Variants in RSPH10B observed in about 807,000 individuals in gnomAD.
RSPH10B encodes the protein radial spoke head 10 homolog B (Chlamydomonas).
In RSPH10B, 7 loss-of-function variants were observed where a neutral mutation model predicts 52.5. The observed-to-expected ratio is 0.13, with a 90% confidence interval of 0.08 to 0.25. The LOEUF (loss-of-function observed/expected upper bound fraction) is 0.25, where lower values mean the gene tolerates loss of function less well. Among genes scored for constraint, RSPH10B ranks in the 10% least tolerant of loss-of-function variants. The probability of loss-of-function intolerance (pLI) is 1.00; values close to 1 mark genes in which losing one functional copy is unlikely to be tolerated. For synonymous variants in RSPH10B, 28 were observed against 193.2 expected (o/e 0.14, Z 7.09); for missense variants, 89 against 542.5 (o/e 0.16, Z 8.30).
rs1472322558 is a variant in RSPH10B, at chr7:5,955,026, G to A, written c.957+979C>T. 5.8e-5 allele frequency among the ~76,000 whole-genome samples: 7 copies of A among 121,450 alleles called. 1 individual carries two copies. The highest frequency in any genetic ancestry group is 7.4e-4 in the East Asian group (2 of 2,688). The allele number at this position is 121,450 out of a possible 152,430, so 79.7% of individuals were successfully genotyped here. A position where few individuals can be genotyped will look rare whatever the true frequency, so the allele number is the denominator to read the frequency against. ...AAAAAAAAAAAAAAAAGAGCCGGGC[G>A]TGGTGGCGCACACCTGTAATCCCAG... is the stretch of plus-strand genomic sequence containing the variant. On this transcript the variant is annotated intron_variant, in intron 7 of 18. Transcript: ENST00000337579.
chr7:5,940,068 G>A (rs1474626859), intron 13 of RSPH10B, among the ~76,000 whole-genome samples: 3 of 129,486 alleles, frequency 2.3e-5, no homozygotes, highest in African/African-American at 8.1e-5. Context: ...ATGGTGGCGT[G>A]TGCCTGTAGT....
intron 12 of RSPH10B, 124 bp from the exon 15 acceptor site, chr7:5,943,596 T>G (rs1751827649): frequency 7.0e-6 from 5 of 716,202 alleles, no homozygotes; most frequent in Non-Finnish European, 1.2e-5. Context: ...CAGGCTAGAG[T>G]GCAGTGGCAC....
chr7:5,957,008 T>TAA (rs546021012), intron 6 of RSPH10B, among the ~76,000 whole-genome samples: 85 of 21,026 alleles, frequency 4.0e-3, no homozygotes, highest in African/African-American at 0.013. Flanking sequence ...ACCTCGTTTC[T>TAA]AAAAAAAAAA....
At chr7:5,960,350 T>C (rs1290774090) in intron 4 of RSPH10B, among the ~76,000 whole-genome samples, 1 of 45,598 alleles carries the variant, frequency 2.2e-5, no homozygotes, top group Non-Finnish European at 4.7e-5. Flanking sequence ...GAGGCAGAGG[T>C]TGCAGTGAGC....
At chr7:5,942,751 A>G (rs1333866082) in intron 13 of RSPH10B, among the ~76,000 whole-genome samples, 1 of 150,666 alleles carries the variant, frequency 6.6e-6, no homozygotes, top group Non-Finnish European at 1.5e-5. Context: ...AATCCCAGCT[A>G]CTCTGGAGGC....
At chr7:5,961,243 T>G (rs1420160382) in intron 3 of RSPH10B, among the ~76,000 whole-genome samples, 1 of 139,378 alleles carries the variant, frequency 7.2e-6, no homozygotes, top group Non-Finnish European at 1.6e-5. Context: ...ATCACAGCAC[T>G]TTGGGAGACT....
At chr7:5,940,332 G>A (rs1780127068) in intron 13 of RSPH10B, among the ~76,000 whole-genome samples, 1 of 19,562 alleles carries the variant, frequency 5.1e-5, no homozygotes. Flanking sequence ...GAGAAACCCC[G>A]TCTCTACTAA....
intron 13 of RSPH10B, among the ~76,000 whole-genome samples, chr7:5,942,924 ATATT>A (rs1452591408): frequency 4.2e-5 from 5 of 118,264 alleles, no homozygotes; most frequent in South Asian, 2.7e-4. Flanking sequence ...ATATATATAT[ATATT>A]TTTTTTTAAG....
rs1377075177 is a variant in RSPH10B, at chr7:5,933,383, C to T, written c.2140-508G>A. Among the ~76,000 whole-genome samples the T allele has an allele frequency of 1.0e-3, 102 of 98,290 alleles. 10 individuals carry two copies. The highest frequency in any genetic ancestry group is 3.5e-3 in the African/African-American group (96 of 27,422). The allele number at this position is 98,290 out of a possible 152,430, so 64.5% of individuals were successfully genotyped here. A position where few individuals can be genotyped will look rare whatever the true frequency, so the allele number is the denominator to read the frequency against. On this transcript the variant is annotated intron_variant, in intron 16 of 18. Transcript: ENST00000337579. The stretch of plus-strand genomic sequence containing the variant: ...AATGAAATGAACAACAGAATTATGG[C>T]ATTTACTGAAAGCCTCTCAAAAAAA...
At chr7:5,950,067 T>TG (rs1398244799) in intron 9 of RSPH10B, among the ~76,000 whole-genome samples, 1 of 119,744 alleles carries the variant, frequency 8.4e-6, no homozygotes, top group Non-Finnish European at 1.8e-5. Flanking sequence ...ATTGCAAAGC[T>TG]GGGTTAACAT....
chr7:5,960,944 C>T, intron 3 of RSPH10B, 80 bp from the exon 6 acceptor site: 2 of 645,810 alleles, frequency 3.1e-6, no homozygotes, highest in Non-Finnish European at 4.2e-6. Flanking sequence ...CGGGCGGTTC[C>T]AGGAGCTGCT....
chr7:5,941,673 G>C (rs1013802582), intron 13 of RSPH10B, among the ~76,000 whole-genome samples: 4 of 141,502 alleles, frequency 2.8e-5, no homozygotes, highest in African/African-American at 1.0e-4. Flanking sequence ...GAACCCGGGA[G>C]GCGGAGGTTG....
chr7:5,927,003 C>T (rs1417719623), intron 18 of RSPH10B, among the ~76,000 whole-genome samples: 1 of 150,204 alleles, frequency 6.7e-6, no homozygotes, highest in African/African-American at 2.5e-5. Context: ...GATCCACCCA[C>T]CTCGGCCTCC....
At chr7:5,950,330 G>T (rs71249582) in intron 9 of RSPH10B, among the ~76,000 whole-genome samples, 20,439 of 148,384 alleles carry the variant, frequency 0.14, 386 homozygotes, top group African/African-American at 0.18. Flanking sequence ...CAGCACTTTG[G>T]GAGGCTGAGG....
chr7:5,933,237 C>T (rs1421501217), intron 16 of RSPH10B, among the ~76,000 whole-genome samples: 1 of 74,776 alleles, frequency 1.3e-5, no homozygotes, highest in Admixed American at 1.4e-4. Context: ...AGGCTGGTCT[C>T]GAACTCCTGA....
At chr7:5,954,809 C>T (rs1211286605) in intron 7 of RSPH10B, among the ~76,000 whole-genome samples, 2 of 54,420 alleles carry the variant, frequency 3.7e-5, no homozygotes, top group African/African-American at 6.2e-5. Context: ...CACACACACA[C>T]ACGTACACAC....
intron 16 of RSPH10B, among the ~76,000 whole-genome samples, chr7:5,933,389 C>T (rs1443497507): frequency 9.9e-6 from 1 of 100,614 alleles, no homozygotes; most frequent in Non-Finnish European, 2.3e-5. Flanking sequence ...ATGGCATTTA[C>T]TGAAAGCCTC....
chr7:5,926,946 G>A lies in RSPH10B; in HGVS notation c.2433-398C>T, dbSNP rs543414751. Among the ~76,000 whole-genome samples, 655 of 150,258 alleles carry A rather than the reference G, an allele frequency of 4.4e-3. 2 individuals are homozygous for A. The highest frequency in any genetic ancestry group is 5.4e-3 in the Non-Finnish European group (368 of 67,550). ...ATATTTTGTATTTTTAGTAGAGATGGGTTTCACCAGGTTGGCCAGGCTGGT... is the reference window on the plus strand; with the variant it reads ...ATATTTTGTATTTTTAGTAGAGATGAGTTTCACCAGGTTGGCCAGGCTGGT... On this transcript the variant is annotated intron_variant, in intron 18 of 18. Transcript: ENST00000337579.
At chr7:5,968,750 T>A (rs554736547), upstream of RSPH10B, among the ~76,000 whole-genome samples, 1 of 61,940 alleles carries the variant, frequency 1.6e-5, no homozygotes, top group Non-Finnish European at 4.2e-5. Context: ...CCTCGTGATC[T>A]GCCCGCCTTG....
Sources: gnomAD v4.1 joint callset for allele counts (sites outside exome capture counted in the v4.1 genomes callset) on GRCh38, gnomAD v4.1.1 for gene constraint, MANE v1.5 for transcripts, NCBI Gene and HGNC (gene_info 2026-07-23, HGNC 2026-07-21) for gene names.